KCNJ12: variants seen among roughly 807,000 people sequenced by gnomAD.
KCNJ12 encodes potassium inwardly rectifying channel subfamily J member 12, also known as ATP-sensitive inward rectifier potassium channel 12.
A neutral mutation model predicts 22.3 loss-of-function variants in KCNJ12; 2 were observed. The observed-to-expected ratio is 0.09, with a 90% CI of 0.04 to 0.28. KCNJ12 has a LOEUF of 0.28. KCNJ12 is among the 10% of genes least tolerant of loss of function. The pLI is 1.00. For missense variants in KCNJ12, 155 were observed against 633.3 expected, an observed-to-expected ratio of 0.24 and a Z score of 8.11; for synonymous variants, 117 against 261.4, an observed-to-expected ratio of 0.45 and a Z score of 5.33.
At chr17:21,393,891 GA>G (rs1297724387) in intron 1 of KCNJ12, among the ~76,000 whole-genome samples, 1 of 152,232 alleles carries the variant, frequency 6.6e-6, no homozygotes, top group East Asian at 1.9e-4. Context: ...TGAGCCCATG[GA>G]GTGTGTGGCC....
chr17:21,410,321 G>A (rs1597578730), intron 2 of KCNJ12, among the ~76,000 whole-genome samples: 1 of 152,272 alleles, frequency 6.6e-6, no homozygotes, highest in Admixed American at 6.5e-5. Flanking sequence ...GCAAAGGAAG[G>A]GCTGGGCTTT....
intron 1 of KCNJ12, among the ~76,000 whole-genome samples, chr17:21,377,752 A>C (rs574518590): frequency 6.6e-6 from 1 of 152,196 alleles, no homozygotes; most frequent in Non-Finnish European, 1.5e-5. Context: ...TGTCATGTGA[A>C]TATTTTAAAA....
At chr17:21,403,877 GGGATGGAGACA>G (rs1285255878) in intron 1 of KCNJ12, among the ~76,000 whole-genome samples, 1 of 152,310 alleles carries the variant, frequency 6.6e-6, no homozygotes, top group Non-Finnish European at 1.5e-5. Context: ...CACACAGGAA[GGGATGGAGACA>G]GGATTTGAAT....
rs1457264538 is a variant in KCNJ12, at chr17:21,418,506, C to T, written c.*1862C>T. 1 of 167,236 alleles carries T rather than the reference C, an allele frequency of 6.0e-6. No homozygotes were observed. 10.4% of individuals were successfully genotyped at this position (167,236 alleles called of 1,614,324 possible). ...GCCTCTTCCCTCCACCTCCTCCCCTCCTTAGCAGCTGAAGACTCAGCCCTG... is the reference window on the plus strand; with the variant it reads ...GCCTCTTCCCTCCACCTCCTCCCCTTCTTAGCAGCTGAAGACTCAGCCCTG... On this transcript the variant is annotated 3_prime_UTR_variant, in exon 3 of 3. Transcript: ENST00000583088.
At chr17:21,398,585 C>T (rs1555560151) in intron 1 of KCNJ12, among the ~76,000 whole-genome samples, 1 of 152,214 alleles carries the variant, frequency 6.6e-6, no homozygotes, top group Non-Finnish European at 1.5e-5. Flanking sequence ...ACCTGCTCAT[C>T]TATGCAGTCA....
intron 1 of KCNJ12, among the ~76,000 whole-genome samples, chr17:21,388,349 C>T (rs566763960): frequency 4.5e-4 from 68 of 152,312 alleles, no homozygotes; most frequent in African/African-American, 1.6e-3. Context: ...TTCTTGCCTG[C>T]GCGTGGAGCC....
chr17:21,383,362 C>T (rs988616072), intron 1 of KCNJ12, among the ~76,000 whole-genome samples: 6 of 151,926 alleles, frequency 3.9e-5, no homozygotes, highest in Admixed American at 1.3e-4. Context: ...CTCCTGGTTC[C>T]GGGCCAAGCC....
intron 2 of KCNJ12, among the ~76,000 whole-genome samples, chr17:21,415,083 T>C (rs1313116804): frequency 6.6e-6 from 1 of 152,294 alleles, no homozygotes; most frequent in African/African-American, 2.4e-5. Flanking sequence ...GCTGAGGTTT[T>C]TGGCTGGAGC....
At chr17:21,380,745 G>A (rs1390324798) in intron 1 of KCNJ12, among the ~76,000 whole-genome samples, 11 of 152,202 alleles carry the variant, frequency 7.2e-5, no homozygotes, top group Admixed American at 7.2e-4. Flanking sequence ...TGGACATGTA[G>A]GGAAGCAGGC....
chr17:21,406,204 C>A (rs1218626419), intron 1 of KCNJ12, among the ~76,000 whole-genome samples: 5 of 152,312 alleles, frequency 3.3e-5, no homozygotes, highest in Non-Finnish European at 7.3e-5. Context: ...TCCTATCTGT[C>A]CAGAGGGGAG....
intron 2 of KCNJ12, among the ~76,000 whole-genome samples, chr17:21,411,990 C>G (rs1198531610): frequency 9.2e-5 from 14 of 152,308 alleles, no homozygotes; most frequent in Admixed American, 9.2e-4. Flanking sequence ...TGAGGGGGCT[C>G]CCAGCACCCC....
intron 1 of KCNJ12, among the ~76,000 whole-genome samples, chr17:21,397,282 G>A (rs1214433181): frequency 6.6e-6 from 1 of 152,192 alleles, no homozygotes; most frequent in Admixed American, 6.5e-5. Flanking sequence ...TAACATCCCT[G>A]TAGCTGCGAT....
At chr17:21,398,163 A>T (rs946644456) in intron 1 of KCNJ12, among the ~76,000 whole-genome samples, 13 of 151,990 alleles carry the variant, frequency 8.6e-5, no homozygotes, top group Admixed American at 1.3e-4. Context: ...ACACACAGAG[A>T]TCCCCAGGTC....
chr17:21,379,699 G>A (rs1205230719), intron 1 of KCNJ12, among the ~76,000 whole-genome samples: 6 of 152,092 alleles, frequency 3.9e-5, no homozygotes, highest in African/African-American at 7.2e-5. Context: ...ATGGGGACAC[G>A]GCAGCAGGGA....
chr17:21,388,946 G>A (rs1049432842), intron 1 of KCNJ12, among the ~76,000 whole-genome samples: 1 of 152,222 alleles, frequency 6.6e-6, no homozygotes. Flanking sequence ...GGCTTGGAAT[G>A]GCAGCGCTGG....
rs1906861167 is a variant in KCNJ12 at position 21,416,786 on chromosome 17, G to C, written c.*142G>C. On this transcript the variant is annotated 3_prime_UTR_variant, in exon 3 of 3. Coordinates refer to ENST00000583088, the MANE Select transcript of KCNJ12 (RefSeq NM_021012.5). ...CGTTTTAGTCGTTTTATGTTTCTTT[G>C]CAACGGCCTCAGAAGTTTGGCCGGA... 3 of 1,391,992 alleles carry C rather than the reference G, an allele frequency of 2.2e-6. No homozygotes were observed. Among genetic ancestry groups the C allele is most frequent in the Non-Finnish European group, 2.9e-6 (3 of 1,048,176 alleles). 86.2% of individuals were successfully genotyped at this position (1,391,992 alleles called of 1,614,324 possible).
At chr17:21,387,702 C>G (rs569155614) in intron 1 of KCNJ12, among the ~76,000 whole-genome samples, 14 of 152,250 alleles carry the variant, frequency 9.2e-5, no homozygotes, top group Admixed American at 2.6e-4. Flanking sequence ...ACTGGTATTT[C>G]CCACAGGAGG....
At chr17:21,398,170 G>A (rs535177187) in intron 1 of KCNJ12, among the ~76,000 whole-genome samples, 1 of 152,188 alleles carries the variant, frequency 6.6e-6, no homozygotes, top group East Asian at 1.9e-4. Context: ...GAGATCCCCA[G>A]GTCGATAGCC....
intron 1 of KCNJ12, among the ~76,000 whole-genome samples, chr17:21,402,757 G>A (rs1905699695): frequency 1.3e-5 from 2 of 152,428 alleles, no homozygotes; most frequent in African/African-American, 2.4e-5. Context: ...GGGGGGCTGA[G>A]GCCCTAATCC....
Sources: allele counts gnomAD v4.1 joint callset (sites outside exome capture counted in the v4.1 genomes callset), GRCh38; gene constraint gnomAD v4.1.1; transcripts MANE v1.5; gene names NCBI Gene and HGNC (gene_info 2026-07-23, HGNC 2026-07-21).